Variants in CTNNA3 observed in about 807,000 individuals in gnomAD.
CTNNA3 encodes catenin alpha-3.
A neutral mutation model predicts 95.7 loss-of-function variants in CTNNA3; 76 were observed. The observed-to-expected ratio is 0.79, with a 90% CI of 0.66 to 0.96. CTNNA3 has a LOEUF of 0.96. Ranked by LOEUF, CTNNA3 falls within the 40% of genes least tolerant of loss-of-function variation. The pLI is 0.00. For missense variants in CTNNA3, 1,191 were observed against 1,089.8 expected (o/e 1.09, Z -1.31); for synonymous variants, 431 against 374.4 (o/e 1.15, Z -1.74).
intron 1 of CTNNA3, chr10:67,751,211 T>C: frequency 1.6e-6 from 2 of 1,282,754 alleles, no homozygotes; most frequent in South Asian, 1.2e-5. Flanking sequence ...TGGAGGACTA[T>C]CCCTTCGATG....
chr10:66,382,292 T>C (rs2092846771), intron 11 of CTNNA3, among the ~76,000 whole-genome samples: 1 of 152,160 alleles, frequency 6.6e-6, no homozygotes, highest in African/African-American at 2.4e-5. Context: ...CATGCCTGGC[T>C]CAGTGGGTCC....
rs1417713676 is a variant in CTNNA3, at chr10:66,331,338, G to GCTTGTTTTTTTTTTTTTTTTTTTTT, written c.1732+47813_1732+47814insAAAAAAAAAAAAAAAAAAAAACAAG. ...TTAAATATGGACTCCTTTCCCCATT[G>GCTTGTTTTTTTTTTTTTTTTTTTTT]TTTGTTTTTTTTTTTTTTTTTTTTT... On this transcript the variant is annotated intron_variant, in intron 12 of 17. Transcript: ENST00000433211. 3.3e-4 allele frequency among the ~76,000 whole-genome samples: 13 copies of GCTTGTTTTTTTTTTTTTTTTTTTTT among 39,116 alleles called. 5 individuals are homozygous for GCTTGTTTTTTTTTTTTTTTTTTTTT. The highest frequency in any genetic ancestry group is 2.1e-4 in the African/African-American group (3 of 13,984). 25.7% of individuals were successfully genotyped at this position (39,116 alleles called of 152,430 possible).
At chr10:66,586,289 G>A (rs776546645) in intron 10 of CTNNA3, among the ~76,000 whole-genome samples, 11 of 152,064 alleles carry the variant, frequency 7.2e-5, no homozygotes, top group Admixed American at 4.6e-4. Context: ...TGGCTAAAGC[G>A]GGTGGGTAAA....
At chr10:66,695,326 T>C (rs192284254) in intron 9 of CTNNA3, among the ~76,000 whole-genome samples, 83 of 152,322 alleles carry the variant, frequency 5.4e-4, no homozygotes, top group African/African-American at 1.9e-3. Flanking sequence ...ATCTGGGCTC[T>C]GCTCAATAGG....
intron 7 of CTNNA3, among the ~76,000 whole-genome samples, chr10:67,072,411 T>C (rs183098320): frequency 6.6e-6 from 1 of 152,372 alleles, no homozygotes; most frequent in African/African-American, 2.4e-5. Context: ...TTATTTGTCA[T>C]GTAGTTTCAC....
Position 65,920,145 on chromosome 10 carries a change from A to G in CTNNA3, c.*185T>C. 1.7e-6 allele frequency: 1 copy of G among 597,976 alleles called. No individual in the cohort carries two copies. The highest frequency in any genetic ancestry group is 2.1e-5 in the South Asian group (1 of 48,022). 37.0% of individuals were successfully genotyped at this position (597,976 alleles called of 1,614,324 possible). On this transcript the variant is annotated 3_prime_UTR_variant, in exon 18 of 18. Transcript: ENST00000433211. ...TCCTTAACTATTAGGTGCTGACCAT[A>G]CAGAAATGACAGTGATATGATCCCA...
At chr10:67,594,602 C>T (rs1564769150) in intron 3 of CTNNA3, among the ~76,000 whole-genome samples, 1 of 151,088 alleles carries the variant, frequency 6.6e-6, no homozygotes, top group South Asian at 2.1e-4. Flanking sequence ...TGGTAATGTC[C>T]CCATTTTTAT....
chr10:67,329,923 C>T (rs1376119448), intron 5 of CTNNA3, among the ~76,000 whole-genome samples: 3 of 152,148 alleles, frequency 2.0e-5, no homozygotes, highest in Admixed American at 6.5e-5. Flanking sequence ...CTTCTCACTC[C>T]GCCACCTTAG....
chr10:67,108,405 G>A (rs1311229974), intron 7 of CTNNA3, among the ~76,000 whole-genome samples: 1 of 151,846 alleles, frequency 6.6e-6, no homozygotes, highest in Non-Finnish European at 1.5e-5. Flanking sequence ...ACGGGTATTT[G>A]TTCAATGTGT....
At chr10:66,362,482 A>G (rs1001755997) in intron 12 of CTNNA3, among the ~76,000 whole-genome samples, 1 of 151,836 alleles carries the variant, frequency 6.6e-6, no homozygotes, top group African/African-American at 2.4e-5. Flanking sequence ...AGGCCAAGGC[A>G]GGAGGATCAC....
At chr10:67,247,637 A>G (rs1263011701) in intron 5 of CTNNA3, among the ~76,000 whole-genome samples, 3 of 152,154 alleles carry the variant, frequency 2.0e-5, no homozygotes, top group Non-Finnish European at 4.4e-5. Context: ...GTTTTTGCAG[A>G]TCCTAAATGC....
chr10:67,539,476 A>G (rs372739730), intron 4 of CTNNA3, 27 bp downstream of exon 4: 7 of 1,609,128 alleles, frequency 4.4e-6, no homozygotes, highest in Admixed American at 3.3e-5. Context: ...GACAATGCCA[A>G]GGTAAACTAA....
intron 11 of CTNNA3, among the ~76,000 whole-genome samples, chr10:66,434,279 T>C (rs1487232107): frequency 6.6e-6 from 1 of 152,182 alleles, no homozygotes. Context: ...TCTGTGAGCA[T>C]GGAATGATTT....
rs145940081 is a variant in CTNNA3 at position 66,817,550 on chromosome 10, C to G, written c.1048-42026G>C. Among the ~76,000 whole-genome samples the G allele has an allele frequency of 1.5e-3, 233 of 151,976 alleles. 1 individual carries two copies. The highest frequency in any genetic ancestry group is 1.4e-3 in the Non-Finnish European group (98 of 67,876). On this transcript the variant is annotated intron_variant, in intron 7 of 17. Transcript: ENST00000433211. ...AATAGTATGAACAACTACATGCCAACAAATTAGGTAACCTATACGAAACAG... is the reference window on the plus strand; with the variant it reads ...AATAGTATGAACAACTACATGCCAAGAAATTAGGTAACCTATACGAAACAG...
intron 5 of CTNNA3, among the ~76,000 whole-genome samples, chr10:67,246,010 G>T (rs1176265100): frequency 6.6e-6 from 1 of 152,116 alleles, no homozygotes; most frequent in African/African-American, 2.4e-5. Context: ...ATTTGGTTTT[G>T]TATTCTACTT....
intron 5 of CTNNA3, among the ~76,000 whole-genome samples, chr10:67,519,692 T>C (rs528191127): frequency 8.5e-4 from 130 of 152,146 alleles, no homozygotes; most frequent in Admixed American, 5.9e-4. Flanking sequence ...GGAGCTTATG[T>C]TCTGTCCCAG....
intron 7 of CTNNA3, among the ~76,000 whole-genome samples, chr10:66,790,832 T>C (rs1308495154): frequency 6.6e-6 from 1 of 152,138 alleles, no homozygotes; most frequent in Non-Finnish European, 1.5e-5. Flanking sequence ...CACCAAAACG[T>C]GGATCCCCTC....
chr10:66,530,648 G>A (rs973419235), intron 10 of CTNNA3, among the ~76,000 whole-genome samples: 5 of 152,024 alleles, frequency 3.3e-5, no homozygotes, highest in African/African-American at 1.2e-4. Flanking sequence ...GTGGTGCTGA[G>A]GAGACCTAAC....
intron 7 of CTNNA3, among the ~76,000 whole-genome samples, chr10:67,017,406 A>T (rs1000449824): frequency 6.6e-6 from 1 of 152,186 alleles, no homozygotes; most frequent in Non-Finnish European, 1.5e-5. Context: ...CTCTGGAAAG[A>T]AGAACAGAGT....
Sources: gnomAD v4.1 joint callset for allele counts (sites outside exome capture counted in the v4.1 genomes callset) on GRCh38, gnomAD v4.1.1 for gene constraint, MANE v1.5 for transcripts, NCBI Gene and HGNC (gene_info 2026-07-23, HGNC 2026-07-21) for gene names.